Variants in PLCH2 observed in about 807,000 individuals in gnomAD.
PLCH2 encodes the protein 1-phosphatidylinositol 4,5-bisphosphate phosphodiesterase eta-2.
A neutral mutation model predicts 134.7 loss-of-function variants in PLCH2; 98 were observed. The observed-to-expected ratio is 0.73, with a 90% CI of 0.62 to 0.86. PLCH2 has a LOEUF of 0.86. Ranked by LOEUF, PLCH2 falls within the 40% of genes least tolerant of loss-of-function variation. The pLI, the probability that PLCH2 is intolerant of heterozygous loss-of-function variation, is 0.00. For synonymous variants in PLCH2, 974 were observed against 827.5 expected, an observed-to-expected ratio of 1.18 and a Z score of -3.04; for missense variants, 1,994 against 1,986.6, an observed-to-expected ratio of 1.00 and a Z score of -0.07.
chr1:2,432,121 C>G (rs140901307), intron 2 of PLCH2, among the ~76,000 whole-genome samples: 7 of 152,196 alleles, frequency 4.6e-5, no homozygotes, highest in Non-Finnish European at 1.0e-4. Flanking sequence ...CTGGGACTCA[C>G]GGCCATGGCT....
At chr1:2,465,744 A>G (rs976453485), upstream of PLCH2, among the ~76,000 whole-genome samples, 1 of 152,198 alleles carries the variant, frequency 6.6e-6, no homozygotes, top group South Asian at 2.1e-4. Flanking sequence ...CGGTGACGGA[A>G]ATCATCTCCT....
intron 10 of PLCH2, 100 bp from the exon 11 acceptor site, chr1:2,491,092 A>G (rs1642550943): frequency 8.3e-7 from 1 of 1,208,100 alleles, no homozygotes; most frequent in African/African-American, 1.5e-5. Flanking sequence ...GCCTTCCCTG[A>G]GCCTGGGGTG....
At position 2,505,167 on chromosome 1, in the gene PLCH2, G is replaced by A. The variant is rs1347042991; in HGVS notation, c.4205G>A (p.Gly1402Glu). The change falls in exon 22 of 22, where the codon GGG becomes GAG. Residue 1402 changes from glycine to glutamate, a missense_variant. Transcript: ENST00000378486. Reference sequence around the variant, plus strand: ...CCAGCACCCTCCAAGGGAGCCCTCGGGCCAGCATCCGCGGCTGCTGAAAAC... The same window carrying A: ...CCAGCACCCTCCAAGGGAGCCCTCGAGCCAGCATCCGCGGCTGCTGAAAAC... ...DAPAPSKGAL[G>E]PASAAAENLV... 4 of 1,569,894 alleles carry A rather than the reference G, an allele frequency of 2.5e-6. No individual in the cohort carries two copies. Among genetic ancestry groups the A allele is most frequent in the Non-Finnish European group, 8.6e-7 (1 of 1,167,838 alleles).
chr1:2,425,040 G>A (rs1323337914), upstream of PLCH2, among the ~76,000 whole-genome samples: 8 of 151,978 alleles, frequency 5.3e-5, no homozygotes, highest in Non-Finnish European at 1.0e-4. Flanking sequence ...GCGGCCACCT[G>A]TAATCCCAGC....
At chr1:2,474,996 C>T (rs1284210986), upstream of PLCH2, among the ~76,000 whole-genome samples, 9 of 152,214 alleles carry the variant, frequency 5.9e-5, no homozygotes, top group East Asian at 1.9e-4. Context: ...AATCTAATTC[C>T]ACGGCAGAGC....
intron 6 of PLCH2, 41 bp from the exon 7 acceptor site, chr1:2,487,132 G>C (rs1432082461): frequency 4.6e-6 from 7 of 1,528,956 alleles, no homozygotes; most frequent in Non-Finnish European, 6.2e-6. Flanking sequence ...GACGAGGCTG[G>C]TGGTGGGCTG....
At chr1:2,503,592 GC>G in intron 21 of PLCH2, 1 of 648,408 alleles carries the variant, frequency 1.5e-6, no homozygotes, top group Admixed American at 2.3e-5. Context: ...TTTCCTTTCT[GC>G]CCCCACCCAC....
intron 1 of PLCH2, 137 bp from the exon 2 acceptor site, chr1:2,478,339 G>C: frequency 9.4e-7 from 1 of 1,060,002 alleles, no homozygotes; most frequent in Non-Finnish European, 1.4e-6. Context: ...GGGGCCGGGC[G>C]AGGTGAGGAG....
At chr1:2,422,196 G>A (rs1241180996), upstream of PLCH2, among the ~76,000 whole-genome samples, 2 of 152,286 alleles carry the variant, frequency 1.3e-5, no homozygotes, top group East Asian at 3.9e-4. Context: ...TTGAACCCAG[G>A]AGGTGGAAGT....
In PLCH2 at chr1:2,487,385, T is replaced by G. The variant is rs746721587; in HGVS notation, c.1114+9T>G. 6.2e-7 allele frequency: 1 copy of G among 1,609,526 alleles called. No homozygotes were observed. Among genetic ancestry groups the G allele is most frequent in the Non-Finnish European group, 8.5e-7 (1 of 1,177,066 alleles). On this transcript the variant is annotated intron_variant, in intron 7 of 21. Transcript: ENST00000378486. Reference sequence around the variant, plus strand: ...CTGCCGCTGCGTGGAGGGTAAGCCCTGGACCTTGGGTGACGGCCGTGGGCT... The same window carrying G: ...CTGCCGCTGCGTGGAGGGTAAGCCCGGGACCTTGGGTGACGGCCGTGGGCT...
At chr1:2,489,425 G>C in intron 9 of PLCH2, 47 bp downstream of exon 9, 1 of 1,594,460 alleles carries the variant, frequency 6.3e-7, no homozygotes, top group Non-Finnish European at 8.6e-7. Context: ...CAGAGTCTCG[G>C]GCCTGCAGCA....
Position 2,457,515 on chromosome 1 carries a change from G to C in PLCH2, c.116-20961G>C, listed in dbSNP as rs531875628. Among the ~76,000 whole-genome samples the C allele has an allele frequency of 2.8e-4, 43 of 152,302 alleles. 1 individual carries two copies. The highest frequency in any genetic ancestry group is 8.9e-4 in the African/African-American group (37 of 41,548). On this transcript the variant is annotated intron_variant, in intron 2 of 3. Coordinates refer to the PLCH2 transcript ENST00000609981. ...GGCCTTCCTCCCGGGACGCTCCTTGGGTTCTGAGATCTGCTGAGATGGGGC... is the reference window on the plus strand; with the variant it reads ...GGCCTTCCTCCCGGGACGCTCCTTGCGTTCTGAGATCTGCTGAGATGGGGC...
At position 2,498,682 on chromosome 1, in the gene PLCH2, GA is replaced by G; in HGVS notation, c.2349+36del. ...AGCCCCACACAGGCGGGAGGGGTGG[GA>G]GTTGGGGGCGGGCCGGGCATCGCGA... On this transcript the variant is annotated intron_variant, in intron 17 of 21. Coordinates refer to ENST00000378486, the MANE Select transcript of PLCH2 (RefSeq NM_014638.4). The surrounding 1 kb of genome is among the most constrained non-coding windows in gnomAD (Gnocchi z 5.4). 1.0e-5 allele frequency: 8 copies of G among 800,756 alleles called. No homozygotes were observed. The highest frequency in any genetic ancestry group is 1.6e-5 in the Non-Finnish European group (8 of 504,904). The allele number at this position is 800,756 out of a possible 1,614,324, so 49.6% of individuals were successfully genotyped here.
chr1:2,504,223 C>A lies in PLCH2; in HGVS notation c.3261C>A (p.His1087Gln). Residue 1087 changes from histidine (H) to glutamine (Q), a missense_variant, in exon 22 of 22, where the codon CAC becomes CAA. Physicochemically the swap from His to Gln is conservative, Grantham distance 24. This residue lies in a region of PLCH2 where 900 missense variants were observed against 752.3 expected (regional missense o/e 1.20). Coordinates refer to ENST00000378486, the MANE Select transcript of PLCH2 (RefSeq NM_014638.4). Reference protein sequence around the residue: ...DGRSQPRTLGHLPVIRRVKSE... With the variant: ...DGRSQPRTLGQLPVIRRVKSE... ...GGAGCCAGCCCCGGACCCTGGGCCA[C>A]CTGCCCGTGATTAGAAGGGTGAAGA... is the stretch of plus-strand genomic sequence containing the variant. 6.4e-7 allele frequency: 1 copy of A among 1,567,166 alleles called. No individual in the cohort carries two copies. Among genetic ancestry groups the A allele is most frequent in the Non-Finnish European group, 8.6e-7 (1 of 1,157,422 alleles).
Position 2,479,783 on chromosome 1 carries a change from C to G in PLCH2, c.321C>G (p.Val107=). The stretch of plus-strand genomic sequence containing the variant: ...TGAGTGAGGGGCGGCAGTCGGAGGT[C>G]TTCCAGCGCTACCCTGACGGCAGCT... ...QEVSEGRQSE[V]FQRYPDGSFD... The change falls in exon 3 of 22, where the codon GTC becomes GTG. Residue 107 remains valine (V), a synonymous_variant. Transcript: ENST00000378486. The G allele has an allele frequency of 6.4e-7, 1 of 1,566,672 alleles. No individual in the cohort carries two copies. The highest frequency in any genetic ancestry group is 8.6e-7 in the Non-Finnish European group (1 of 1,156,392).
rs1031880300 is a variant in PLCH2 at position 2,504,241 on chromosome 1, G to C, written c.3279G>C (p.Arg1093Ser). Residue 1093 changes from arginine (R) to serine (S), a missense_variant, in exon 22 of 22, where the codon AGG (arginine) becomes AGC (serine). Arg to Ser is a moderately radical substitution (Grantham distance 110, BLOSUM62 -1). Coordinates refer to ENST00000378486, the MANE Select transcript of PLCH2 (RefSeq NM_014638.4). Reference protein sequence around the residue: ...RTLGHLPVIRRVKSEGQVPTE... With the variant: ...RTLGHLPVIRSVKSEGQVPTE... ...TGGGCCACCTGCCCGTGATTAGAAG[G>C]GTGAAGAGTGAGGGGCAGGTGCCCA... is the stretch of plus-strand genomic sequence containing the variant. The C allele has an allele frequency of 6.3e-7, 1 of 1,582,664 alleles. No homozygotes were observed. Among genetic ancestry groups the C allele is most frequent in the Non-Finnish European group, 8.6e-7 (1 of 1,165,978 alleles).
At chr1:2,500,906 C>T (rs1643190565) in intron 20 of PLCH2, 2 of 147,000 alleles carry the variant, frequency 1.4e-5, no homozygotes, top group South Asian at 4.5e-4. Flanking sequence ...CCGCTGGAGC[C>T]CCCACTGTGC....
At chr1:2,455,526 C>A (rs1213410503) in intron 2 of PLCH2, among the ~76,000 whole-genome samples, 1 of 152,174 alleles carries the variant, frequency 6.6e-6, no homozygotes, top group Non-Finnish European at 1.5e-5. Flanking sequence ...GCTGGCAGCC[C>A]GCCTTCCTGC....
the PLCH2 span, among the ~76,000 whole-genome samples, chr1:2,419,946 A>G: frequency 6.6e-6 from 1 of 151,876 alleles, no homozygotes; most frequent in Admixed American, 6.6e-5. Context: ...TCAAAGTTCA[A>G]GCATAGCAGG....
Sources: allele counts gnomAD v4.1 joint callset (sites outside exome capture counted in the v4.1 genomes callset), GRCh38; gene constraint gnomAD v4.1.1; regional missense constraint gnomAD v4.1.1; non-coding constraint Gnocchi (gnomAD v3.1); transcripts MANE v1.5; gene names NCBI Gene and HGNC (gene_info 2026-07-23, HGNC 2026-07-21).